DGKI: variants seen among roughly 807,000 people sequenced by gnomAD.
The protein encoded by DGKI is DAG kinase iota.
Under a neutral mutation model 147.5 loss-of-function variants are expected in DGKI, and 55 were observed. The observed-to-expected ratio is 0.37, with a 90% CI of 0.30 to 0.47. The LOEUF is 0.47. Among genes scored for constraint, DGKI ranks in the 20% least tolerant of loss-of-function variants. DGKI has a pLI of 1.00. For missense variants in DGKI, 1,007 were observed against 1,323.8 expected, an observed-to-expected ratio of 0.76 and a Z score of 3.71; for synonymous variants, 469 against 477.1, an observed-to-expected ratio of 0.98 and a Z score of 0.22.
chr7:137,617,691 G>A (rs986039307), intron 8 of DGKI, among the ~76,000 whole-genome samples: 3 of 152,034 alleles, frequency 2.0e-5, no homozygotes, highest in Non-Finnish European at 4.4e-5. Context: ...TCCTGGGGAT[G>A]GAATGTTCTG....
At chr7:137,828,358 G>C (rs1436565865) in intron 1 of DGKI, among the ~76,000 whole-genome samples, 1 of 152,110 alleles carries the variant, frequency 6.6e-6, no homozygotes, top group Non-Finnish European at 1.5e-5. Flanking sequence ...TACAACTTAG[G>C]TAAGTTTTTA....
At chr7:137,424,501 G>A (rs62487733) in intron 28 of DGKI, among the ~76,000 whole-genome samples, 44,847 of 152,046 alleles carry the variant, frequency 0.29, 8,093 homozygotes, top group East Asian at 0.65. Context: ...CTGAGGTACC[G>A]GGTTCATCTC....
intron 1 of DGKI, among the ~76,000 whole-genome samples, chr7:137,839,986 T>C (rs1044739610): frequency 1.3e-5 from 2 of 152,202 alleles, no homozygotes; most frequent in Admixed American, 6.5e-5. Context: ...TTAACATTCA[T>C]ATGCAAAGAT....
intron 28 of DGKI, among the ~76,000 whole-genome samples, chr7:137,434,503 C>T (rs994026162): frequency 2.6e-5 from 4 of 152,142 alleles, no homozygotes; most frequent in Non-Finnish European, 5.9e-5. Context: ...ATTGCTTGAA[C>T]CTGGGAGACG....
intron 1 of DGKI, among the ~76,000 whole-genome samples, chr7:137,775,370 A>G (rs993448566): frequency 1.3e-5 from 2 of 152,120 alleles, no homozygotes; most frequent in African/African-American, 4.8e-5. Flanking sequence ...TGGACCACCA[A>G]CCTTTCTTCT....
At chr7:137,699,704 G>C (rs1585384988) in intron 1 of DGKI, among the ~76,000 whole-genome samples, 2 of 152,188 alleles carry the variant, frequency 1.3e-5, no homozygotes, top group Non-Finnish European at 2.9e-5. Flanking sequence ...CCACAGGGCT[G>C]TTCCCAGTAA....
At chr7:137,607,037 C>T (rs960134913) in intron 10 of DGKI, among the ~76,000 whole-genome samples, 3 of 152,040 alleles carry the variant, frequency 2.0e-5, no homozygotes, top group South Asian at 2.1e-4. Flanking sequence ...TGATTGATCT[C>T]GAGAAATGGT....
chr7:137,638,604 A>G (rs796747344), intron 6 of DGKI, among the ~76,000 whole-genome samples: 554 of 5,556 alleles, frequency 0.1, 107 homozygotes, highest in African/African-American at 0.25. Context: ...ACATATATGT[A>G]TATATATACA....
chr7:137,699,233 G>A (rs1382616370), intron 1 of DGKI, among the ~76,000 whole-genome samples: 1 of 152,174 alleles, frequency 6.6e-6, no homozygotes, highest in African/African-American at 2.4e-5. Context: ...CCACCCTCAT[G>A]ACCTATTCAC....
At chr7:137,651,717 A>C (rs1340673558) in intron 5 of DGKI, among the ~76,000 whole-genome samples, 2 of 152,182 alleles carry the variant, frequency 1.3e-5, no homozygotes, top group Non-Finnish European at 2.9e-5. Context: ...AGGGATTTGC[A>C]GAGGTTGGGG....
chr7:137,480,760 G>A (rs929333285), intron 23 of DGKI, among the ~76,000 whole-genome samples: 1 of 151,954 alleles, frequency 6.6e-6, no homozygotes, highest in African/African-American at 2.4e-5. Context: ...ATCTATTTTT[G>A]CAACTACAGG....
At chr7:137,838,282 C>T (rs1798446133) in intron 1 of DGKI, among the ~76,000 whole-genome samples, 2 of 152,120 alleles carry the variant, frequency 1.3e-5, no homozygotes. Flanking sequence ...GGATTACAGG[C>T]TCTTCCTTCA....
chr7:137,442,373 T>C (rs1813544444), intron 28 of DGKI, among the ~76,000 whole-genome samples: 1 of 152,212 alleles, frequency 6.6e-6, no homozygotes, highest in African/African-American at 2.4e-5. Flanking sequence ...TAGTGGATTA[T>C]CAAATTATAA....
At chr7:137,502,359 A>T (rs1816204966) in intron 21 of DGKI, among the ~76,000 whole-genome samples, 4 of 152,196 alleles carry the variant, frequency 2.6e-5, no homozygotes, top group Admixed American at 2.6e-4. Flanking sequence ...GTGATATTAA[A>T]GATACATAAT....
At chr7:137,545,403 A>G (rs968729616) in intron 20 of DGKI, among the ~76,000 whole-genome samples, 13 of 152,198 alleles carry the variant, frequency 8.5e-5, no homozygotes, top group African/African-American at 3.1e-4. Flanking sequence ...CTAAATATAC[A>G]TAAAAATGCA....
chr7:137,624,600 G>A (rs1166554292), intron 6 of DGKI, among the ~76,000 whole-genome samples: 1 of 151,258 alleles, frequency 6.6e-6, no homozygotes, highest in South Asian at 2.1e-4. Context: ...AACCTCTCTC[G>A]TTTTTGTTTT....
chr7:137,774,275 T>C (rs1193478511), intron 1 of DGKI, among the ~76,000 whole-genome samples: 1 of 152,128 alleles, frequency 6.6e-6, no homozygotes, highest in Non-Finnish European at 1.5e-5. Context: ...GGGCAATTCA[T>C]GTTAGCTCCT....
intron 1 of DGKI, among the ~76,000 whole-genome samples, chr7:137,829,407 A>G (rs1798157290): frequency 6.6e-6 from 1 of 152,256 alleles, no homozygotes. Flanking sequence ...CAAGGTTATC[A>G]TTCAAGGATG....
Position 137,492,899 on chromosome 7 carries a change from C to T in DGKI, c.2249-5210G>A, listed in dbSNP as rs191287979. 1.7e-3 allele frequency among the ~76,000 whole-genome samples: 253 copies of T among 152,274 alleles called. 2 individuals are homozygous for T. The highest frequency in any genetic ancestry group is 5.8e-3 in the African/African-American group (239 of 41,552). ...ATAGCTCCTGCGCTGGCTGACTGTG[C>T]CTGACAATCAAATAGCTCCAGCCCA... On this transcript the variant is annotated intron_variant, in intron 21 of 32. Coordinates refer to ENST00000614521, the MANE Select transcript of DGKI (RefSeq NM_001321708.2).
Sources: allele counts gnomAD v4.1 joint callset (sites outside exome capture counted in the v4.1 genomes callset), GRCh38; gene constraint gnomAD v4.1.1; transcripts MANE v1.5; gene names NCBI Gene and HGNC (gene_info 2026-07-23, HGNC 2026-07-21).